SGCD: variants seen among roughly 807,000 people sequenced by gnomAD.
The protein encoded by SGCD is delta-sarcoglycan.
Under a neutral mutation model 36.6 loss-of-function variants are expected in SGCD, and 18 were observed. That is an observed-to-expected ratio of 0.49 (90% CI 0.34 to 0.73). SGCD has a LOEUF of 0.73. SGCD is among the 30% of genes least tolerant of loss of function. The pLI, the probability that SGCD is intolerant of heterozygous loss-of-function variation, is 0.01. For missense variants in SGCD, 387 were observed against 346.7 expected (o/e 1.12, Z -0.92); for synonymous variants, 133 against 130.6 (o/e 1.02, Z -0.12).
intron 3 of SGCD, among the ~76,000 whole-genome samples, chr5:156,424,428 T>C (rs1295098637): frequency 1.3e-5 from 2 of 152,034 alleles, no homozygotes; most frequent in Non-Finnish European, 2.9e-5. Flanking sequence ...CATAAACCCT[T>C]CAGATATGTG....
At chr5:156,302,534 T>C (rs1767080247) in intron 3 of SGCD, among the ~76,000 whole-genome samples, 1 of 152,120 alleles carries the variant, frequency 6.6e-6, no homozygotes, top group Admixed American at 6.5e-5. Context: ...TTATTTTGTT[T>C]AGTGAGGTCA....
chr5:155,806,180 A>G, the SGCD span, among the ~76,000 whole-genome samples: 5 of 152,022 alleles, frequency 3.3e-5, 1 homozygote, highest in African/African-American at 1.2e-4. Context: ...GTGGGGACGG[A>G]GTCTCACTCT....
chr5:156,030,641 A>G (rs1245042010), intron 1 of SGCD, among the ~76,000 whole-genome samples: 1 of 152,180 alleles, frequency 6.6e-6, no homozygotes, highest in Non-Finnish European at 1.5e-5. Context: ...CAAGGAAATG[A>G]ATGGGGGAAA....
rs182225647 is a variant in SGCD, at chr5:156,750,812, A to C, written c.576-6769A>C. ...AAAGTCAATTAGATATCTATATTTC[A>C]GGAAAATAGGATATCTATATTCCAG... On this transcript the variant is annotated intron_variant, in intron 7 of 8. Coordinates refer to ENST00000337851, the MANE Select transcript of SGCD (RefSeq NM_000337.6). Among the ~76,000 whole-genome samples the C allele has an allele frequency of 6.7e-3, 1,026 of 152,342 alleles. 5 individuals are homozygous for C. The highest frequency in any genetic ancestry group is 0.011 in the Non-Finnish European group (782 of 68,018).
At chr5:156,575,129 A>G (rs1383888635) in intron 4 of SGCD, among the ~76,000 whole-genome samples, 1 of 152,232 alleles carries the variant, frequency 6.6e-6, no homozygotes, top group Non-Finnish European at 1.5e-5. Flanking sequence ...GTGGGGTGGA[A>G]CAGTCTTGTC....
the SGCD span, among the ~76,000 whole-genome samples, chr5:155,786,054 T>G: frequency 1.3e-5 from 2 of 152,158 alleles, no homozygotes; most frequent in African/African-American, 4.8e-5. Context: ...GATCATATTT[T>G]CTCTCTAACT....
chr5:155,825,070 G>A, the SGCD span, among the ~76,000 whole-genome samples: 1 of 152,072 alleles, frequency 6.6e-6, no homozygotes, highest in African/African-American at 2.4e-5. Context: ...TTTAAAATCA[G>A]ATCAATGTTT....
At chr5:156,056,111 C>A (rs1760049312) in intron 1 of SGCD, among the ~76,000 whole-genome samples, 1 of 146,380 alleles carries the variant, frequency 6.8e-6, no homozygotes, top group South Asian at 2.2e-4. Context: ...ACTGATGTCA[C>A]TCTTGCAAAA....
At chr5:156,446,113 G>A (rs879921883) in intron 3 of SGCD, among the ~76,000 whole-genome samples, 46 of 152,254 alleles carry the variant, frequency 3.0e-4, no homozygotes, top group Middle Eastern at 3.4e-3. Flanking sequence ...AGACAAAATG[G>A]ATCATCTGAG....
At chr5:156,461,514 T>C (rs1322228918) in intron 3 of SGCD, among the ~76,000 whole-genome samples, 1 of 152,136 alleles carries the variant, frequency 6.6e-6, no homozygotes, top group Non-Finnish European at 1.5e-5. Flanking sequence ...TAATGAAATA[T>C]AATTTTCTTA....
At chr5:156,724,856 T>C (rs1755693202) in intron 7 of SGCD, among the ~76,000 whole-genome samples, 1 of 152,204 alleles carries the variant, frequency 6.6e-6, no homozygotes, top group South Asian at 2.1e-4. Flanking sequence ...TTGAGAAATT[T>C]CTCCTCTTAT....
chr5:155,735,782 A>G, the SGCD span, among the ~76,000 whole-genome samples: 6 of 152,166 alleles, frequency 3.9e-5, no homozygotes, highest in Non-Finnish European at 8.8e-5. Context: ...TTTGTTGGAG[A>G]GCATCTTGGC....
intron 7 of SGCD, among the ~76,000 whole-genome samples, chr5:156,723,004 A>C (rs1046444577): frequency 1.3e-5 from 2 of 152,216 alleles, no homozygotes; most frequent in African/African-American, 4.8e-5. Flanking sequence ...CTTGCTAGTA[A>C]ATTAGACATT....
chr5:156,584,363 T>C (rs1760406109), intron 4 of SGCD, among the ~76,000 whole-genome samples: 1 of 152,238 alleles, frequency 6.6e-6, no homozygotes, highest in Admixed American at 6.5e-5. Context: ...AATTATATGA[T>C]CGCTTACAGA....
At chr5:156,544,824 C>A (rs569329312) in intron 4 of SGCD, among the ~76,000 whole-genome samples, 2 of 152,182 alleles carry the variant, frequency 1.3e-5, no homozygotes, top group East Asian at 3.9e-4. Context: ...ATATTGTCAC[C>A]CTTATCTTAA....
intron 7 of SGCD, among the ~76,000 whole-genome samples, chr5:156,724,681 G>T (rs1043632735): frequency 1.3e-5 from 2 of 152,118 alleles, no homozygotes; most frequent in Non-Finnish European, 2.9e-5. Flanking sequence ...TATTATGGTG[G>T]TTGTTTACAA....
intron 1 of SGCD, among the ~76,000 whole-genome samples, chr5:155,951,380 TGTG>T (rs1280491189): frequency 1.3e-5 from 2 of 152,028 alleles, no homozygotes; most frequent in Non-Finnish European, 2.9e-5. Context: ...GACCCAATGA[TGTG>T]GTTAAATCTC....
At chr5:156,426,612 G>T (rs975220829) in intron 3 of SGCD, among the ~76,000 whole-genome samples, 1 of 152,010 alleles carries the variant, frequency 6.6e-6, no homozygotes, top group Non-Finnish European at 1.5e-5. Context: ...TTTCTTTGGT[G>T]TTCTTAGTCA....
chr5:156,442,234 C>G (rs917093854), intron 3 of SGCD, among the ~76,000 whole-genome samples: 8 of 152,180 alleles, frequency 5.3e-5, no homozygotes, highest in African/African-American at 1.9e-4. Context: ...GTATGCAAAT[C>G]AGCTGAGTAA....
Sources: allele counts gnomAD v4.1 joint callset (sites outside exome capture counted in the v4.1 genomes callset), GRCh38; gene constraint gnomAD v4.1.1; transcripts MANE v1.5; gene names NCBI Gene and HGNC (gene_info 2026-07-23, HGNC 2026-07-21).